UNC5D: variants seen among roughly 807,000 people sequenced by gnomAD.
UNC5D encodes the protein netrin receptor UNC5D.
In UNC5D, 39 loss-of-function variants were observed where a neutral mutation model predicts 105.4. That is an observed-to-expected ratio of 0.37 (90% CI 0.29 to 0.48). The LOEUF is 0.48. UNC5D is among the 20% of genes least tolerant of loss of function. UNC5D has a pLI of 0.98. For missense variants in UNC5D, 991 were observed against 1,202.4 expected (o/e 0.82, Z 2.60); for synonymous variants, 452 against 450.4 (o/e 1.00, Z -0.04).
At chr8:35,366,646 C>T (rs888448828) in intron 1 of UNC5D, among the ~76,000 whole-genome samples, 6 of 152,006 alleles carry the variant, frequency 3.9e-5, no homozygotes, top group Admixed American at 2.0e-4. Context: ...CCACCCACAA[C>T]CTATTTGCTA....
intron 1 of UNC5D, among the ~76,000 whole-genome samples, chr8:35,405,132 A>G (rs988913999): frequency 6.6e-6 from 1 of 152,126 alleles, no homozygotes; most frequent in Admixed American, 6.5e-5. Flanking sequence ...GAATTCAGAG[A>G]CTTCCTGCAA....
intron 1 of UNC5D, among the ~76,000 whole-genome samples, chr8:35,511,832 G>A (rs1379172349): frequency 6.6e-6 from 1 of 152,174 alleles, no homozygotes; most frequent in Non-Finnish European, 1.5e-5. Context: ...TAGCCACATG[G>A]AGTAGGTTGG....
rs148883969 is a variant in UNC5D, at chr8:35,518,357, A to G, written c.104-30935A>G. On this transcript the variant is annotated intron_variant, in intron 1 of 16. Coordinates refer to ENST00000404895, the MANE Select transcript of UNC5D (RefSeq NM_080872.4). ...TATTTATATATCTTAGCATACTTCT[A>G]TGTACTTGTAATACATATTGCATTG... Among the ~76,000 whole-genome samples the G allele has an allele frequency of 3.6e-3, 548 of 152,210 alleles. 7 individuals are homozygous for G. The highest frequency in any genetic ancestry group is 0.013 in the African/African-American group (523 of 41,526).
intron 4 of UNC5D, among the ~76,000 whole-genome samples, chr8:35,610,222 A>G (rs963644868): frequency 6.6e-6 from 1 of 151,986 alleles, no homozygotes; most frequent in Non-Finnish European, 1.5e-5. Context: ...GGAAGCACCA[A>G]GAGCCAACTT....
chr8:35,725,595 C>G (rs781236999), intron 9 of UNC5D, among the ~76,000 whole-genome samples: 2 of 152,016 alleles, frequency 1.3e-5, no homozygotes, highest in African/African-American at 4.8e-5. Flanking sequence ...TGCCCTGACC[C>G]TTTTGCTCTG....
At chr8:35,361,516 C>T (rs1801850640) in intron 1 of UNC5D, among the ~76,000 whole-genome samples, 1 of 152,094 alleles carries the variant, frequency 6.6e-6, no homozygotes. Context: ...GAAGTCAACT[C>T]GGAATGCTTA....
intron 1 of UNC5D, among the ~76,000 whole-genome samples, chr8:35,468,029 G>T (rs4529455): frequency 0.91 from 138,647 of 152,248 alleles, 63,515 homozygotes; most frequent in African/African-American, 0.98. Context: ...AACTTTTTCC[G>T]TAAGGATAAC....
At chr8:35,463,800 A>G (rs543207478) in intron 1 of UNC5D, among the ~76,000 whole-genome samples, 24 of 151,870 alleles carry the variant, frequency 1.6e-4, no homozygotes, top group Admixed American at 3.3e-4. Flanking sequence ...CAGAAAAAAA[A>G]AAAAAAATGA....
intron 1 of UNC5D, among the ~76,000 whole-genome samples, chr8:35,404,331 A>G: frequency 6.6e-6 from 1 of 152,154 alleles, no homozygotes. Flanking sequence ...ACAATGTACC[A>G]TCCTGACACC....
intron 3 of UNC5D, among the ~76,000 whole-genome samples, chr8:35,576,849 G>A (rs776626424): frequency 6.6e-5 from 10 of 152,028 alleles, no homozygotes; most frequent in Non-Finnish European, 1.2e-4. Context: ...TCCTGACCTC[G>A]TGATCCTCCC....
Position 35,759,483 on chromosome 8 carries a change from G to A in UNC5D, c.2313+14G>A. 6.2e-7 allele frequency: 1 copy of A among 1,605,666 alleles called. No individual in the cohort carries two copies. Among genetic ancestry groups the A allele is most frequent in the Non-Finnish European group, 8.5e-7 (1 of 1,177,856 alleles). On this transcript the variant is annotated intron_variant, in intron 14 of 16. Coordinates refer to ENST00000404895, the MANE Select transcript of UNC5D (RefSeq NM_080872.4). ...ACTGCCTGCCAGGTACTGGCCAAAT[G>A]GGTTTCTAACAGAAACGGCTTTGCT...
chr8:35,311,858 G>A (rs1808912811), intron 1 of UNC5D, among the ~76,000 whole-genome samples: 1 of 152,080 alleles, frequency 6.6e-6, no homozygotes, highest in Admixed American at 6.6e-5. Flanking sequence ...GAGAATTACT[G>A]GGATGTGTTT....
intron 1 of UNC5D, among the ~76,000 whole-genome samples, chr8:35,496,529 C>T (rs969738738): frequency 2.0e-5 from 3 of 152,016 alleles, no homozygotes; most frequent in African/African-American, 7.3e-5. Context: ...GTTTGCTAGG[C>T]TAACGGTGGA....
intron 4 of UNC5D, among the ~76,000 whole-genome samples, chr8:35,603,680 G>A (rs1820055725): frequency 6.6e-6 from 1 of 152,212 alleles, no homozygotes; most frequent in South Asian, 2.1e-4. Flanking sequence ...GGGAGTCTAA[G>A]TCTGTTTCTA....
At chr8:35,605,190 C>T (rs1351036152) in intron 4 of UNC5D, among the ~76,000 whole-genome samples, 1 of 152,100 alleles carries the variant, frequency 6.6e-6, no homozygotes, top group African/African-American at 2.4e-5. Context: ...TACCTTTGTT[C>T]TTTGATGATG....
chr8:35,591,321 A>G (rs548556626), intron 3 of UNC5D, among the ~76,000 whole-genome samples: 1 of 152,284 alleles, frequency 6.6e-6, no homozygotes, highest in African/African-American at 2.4e-5. Context: ...AATATAGGAA[A>G]TAAATTCCAT....
Position 35,284,609 on chromosome 8 carries a change from C to T in UNC5D, c.103+48722C>T, listed in dbSNP as rs561199642. 9.9e-5 allele frequency among the ~76,000 whole-genome samples: 15 copies of T among 152,270 alleles called. No individual in the cohort carries two copies. The South Asian group carries it at 2.1e-3, about 21-fold the overall frequency. ...TCACTCTGTCGCCCAGGCTGCAGTGCAGTGGCACGACCTCAGCTCACTATA... is the reference window on the plus strand; with the variant it reads ...TCACTCTGTCGCCCAGGCTGCAGTGTAGTGGCACGACCTCAGCTCACTATA... On this transcript the variant is annotated intron_variant, in intron 1 of 16. Transcript: ENST00000404895.
intron 4 of UNC5D, among the ~76,000 whole-genome samples, chr8:35,673,793 G>C (rs1033094560): frequency 2.6e-5 from 4 of 152,078 alleles, no homozygotes; most frequent in African/African-American, 9.7e-5. Flanking sequence ...CCTTTTCTCA[G>C]AAAAGCAAAT....
intron 4 of UNC5D, among the ~76,000 whole-genome samples, chr8:35,677,875 A>C (rs1165436263): frequency 1.4e-5 from 2 of 140,558 alleles, no homozygotes; most frequent in Non-Finnish European, 3.2e-5. Flanking sequence ...AGGTTTTTAT[A>C]GGGTGTGTGA....
Sources: allele counts gnomAD v4.1 joint callset (sites outside exome capture counted in the v4.1 genomes callset), GRCh38; gene constraint gnomAD v4.1.1; transcripts MANE v1.5; gene names NCBI Gene and HGNC (gene_info 2026-07-23, HGNC 2026-07-21).